Variants in ADAMTSL3 observed in about 807,000 individuals in gnomAD.
ADAMTSL3 encodes ADAMTS-like protein 3.
ADAMTSL3 carries 128 observed loss-of-function variants against 201.7 expected under a neutral mutation model. That is an observed-to-expected ratio of 0.63 (90% CI 0.55 to 0.73). The LOEUF is 0.73. Ranked by LOEUF, ADAMTSL3 falls within the 30% of genes least tolerant of loss-of-function variation. The probability of loss-of-function intolerance (pLI) is 0.00; values close to 1 mark genes in which losing one functional copy is unlikely to be tolerated. For missense variants in ADAMTSL3, 1,990 were observed against 2,119.6 expected (o/e 0.94, Z 1.20); for synonymous variants, 738 against 748.4 (o/e 0.99, Z 0.23).
chr15:83,666,752 A>G (rs1363944613), intron 2 of ADAMTSL3, among the ~76,000 whole-genome samples: 1 of 151,928 alleles, frequency 6.6e-6, no homozygotes, highest in East Asian at 1.9e-4. Flanking sequence ...CTGAAGCAAG[A>G]GGATCACTTG....
chr15:83,671,408 A>G (rs1190940244), intron 2 of ADAMTSL3, among the ~76,000 whole-genome samples: 1 of 152,198 alleles, frequency 6.6e-6, no homozygotes, highest in African/African-American at 2.4e-5. Flanking sequence ...ATACAAAAAG[A>G]TAATTTGTAT....
chr15:83,694,303 T>G (rs2061651207), intron 2 of ADAMTSL3: 1 of 152,250 alleles, frequency 6.6e-6, no homozygotes, highest in African/African-American at 2.4e-5. Context: ...GGTGCTTTGG[T>G]GGGAACGGAA....
chr15:83,841,948 CAG>C (rs550865153), intron 7 of ADAMTSL3, among the ~76,000 whole-genome samples: 148 of 151,854 alleles, frequency 9.7e-4, no homozygotes, highest in South Asian at 3.3e-3. Context: ...GACAGAGACT[CAG>C]GGGGAAATTT....
At chr15:83,755,611 T>C (rs1211232943) in intron 3 of ADAMTSL3, among the ~76,000 whole-genome samples, 1 of 152,264 alleles carries the variant, frequency 6.6e-6, no homozygotes, top group Non-Finnish European at 1.5e-5. Flanking sequence ...TTTCTGAAGC[T>C]AAATAATATT....
intron 19 of ADAMTSL3, chr15:83,961,785 A>G (rs971735427): frequency 5.3e-5 from 8 of 152,264 alleles, no homozygotes; most frequent in African/African-American, 7.2e-5. Context: ...AGGAATGCAT[A>G]GATCCTGGTA....
At position 83,982,587 on chromosome 15, in the gene ADAMTSL3, G is replaced by C. The variant is rs2067404307; in HGVS notation, c.2959G>C (p.Ala987Pro). Residue 987 changes from alanine (A) to proline (P), a missense_variant, in exon 21 of 30, where the codon GCA (alanine) becomes CCA (proline). Coordinates refer to ENST00000286744, the MANE Select transcript of ADAMTSL3 (RefSeq NM_207517.3). ...CGTGTACCGGTGCATTGCAGGCTCT[G>C]CACAGGAAACAGTTGTGCTCAAGCT... ...IGVYRCIAGS[A>P]QETVVLKLIG... 3.7e-6 allele frequency: 6 copies of C among 1,614,078 alleles called. No individual in the cohort carries two copies. Among genetic ancestry groups the C allele is most frequent in the Non-Finnish European group, 4.2e-6 (5 of 1,180,056 alleles).
At position 84,008,771 on chromosome 15, in the gene ADAMTSL3, T is replaced by C. The variant is rs148741373; in HGVS notation, c.3974-5771T>C. ...TCAGCATCTCTCCGTGGATATGTAA[T>C]AGTTATTTCAAACTTAACATGTCCA... On this transcript the variant is annotated intron_variant, in intron 23 of 29. Coordinates refer to ENST00000286744, the MANE Select transcript of ADAMTSL3 (RefSeq NM_207517.3). Among the ~76,000 whole-genome samples, 553 of 152,326 alleles carry C rather than the reference T, an allele frequency of 3.6e-3. 1 individual carries two copies. The highest frequency in any genetic ancestry group is 0.013 in the African/African-American group (534 of 41,566).
intron 12 of ADAMTSL3, among the ~76,000 whole-genome samples, chr15:83,892,305 G>T (rs2065518030): frequency 6.6e-6 from 1 of 152,060 alleles, no homozygotes; most frequent in African/African-American, 2.4e-5. Context: ...GCTGAGGCAG[G>T]CGGATCACGA....
At chr15:83,742,343 G>T (rs2062470146) in intron 3 of ADAMTSL3, among the ~76,000 whole-genome samples, 1 of 152,086 alleles carries the variant, frequency 6.6e-6, no homozygotes, top group South Asian at 2.1e-4. Flanking sequence ...TACAGCCTAA[G>T]CTTTAATTAG....
At chr15:83,949,548 A>G (rs184351293) in intron 19 of ADAMTSL3, among the ~76,000 whole-genome samples, 3 of 152,264 alleles carry the variant, frequency 2.0e-5, no homozygotes, top group East Asian at 1.9e-4. Flanking sequence ...TCTAGATCAT[A>G]TGGTAGCTCT....
At chr15:83,704,053 A>G (rs1317774638) in intron 2 of ADAMTSL3, among the ~76,000 whole-genome samples, 1 of 152,024 alleles carries the variant, frequency 6.6e-6, no homozygotes, top group Non-Finnish European at 1.5e-5. Flanking sequence ...TCCTAAAAAC[A>G]ATAGATTTGC....
chr15:83,872,153 T>G (rs2065092312), intron 9 of ADAMTSL3, among the ~76,000 whole-genome samples: 1 of 152,184 alleles, frequency 6.6e-6, no homozygotes, highest in South Asian at 2.1e-4. Flanking sequence ...ATCAAGAGAT[T>G]TTTACATCAA....
At chr15:83,829,484 G>A (rs2064104442) in intron 6 of ADAMTSL3, among the ~76,000 whole-genome samples, 2 of 152,034 alleles carry the variant, frequency 1.3e-5, no homozygotes, top group African/African-American at 2.4e-5. Context: ...CCAGCTCCTG[G>A]ATTCTTTGAT....
intron 21 of ADAMTSL3, among the ~76,000 whole-genome samples, chr15:83,986,365 T>C (rs2067475105): frequency 6.6e-6 from 1 of 152,156 alleles, no homozygotes; most frequent in African/African-American, 2.4e-5. Context: ...ATTGACTTGA[T>C]GGAATGGCGT....
At chr15:83,819,242 C>T (rs868553919) in intron 5 of ADAMTSL3, among the ~76,000 whole-genome samples, 49 of 138,616 alleles carry the variant, frequency 3.5e-4, no homozygotes, top group Middle Eastern at 4.2e-3. Context: ...TCCAGCCTGG[C>T]GACAGAGTGA....
chr15:83,879,886 G>A (rs2065239950), intron 9 of ADAMTSL3, among the ~76,000 whole-genome samples: 2 of 152,286 alleles, frequency 1.3e-5, no homozygotes, highest in South Asian at 2.1e-4. Flanking sequence ...TTCACATTTA[G>A]AATCATTGCA....
chr15:83,712,753 G>T (rs2061949923), intron 3 of ADAMTSL3, among the ~76,000 whole-genome samples: 2 of 152,180 alleles, frequency 1.3e-5, no homozygotes, highest in African/African-American at 4.8e-5. Context: ...AATTGCATTT[G>T]TCATTCTGCA....
intron 16 of ADAMTSL3, among the ~76,000 whole-genome samples, chr15:83,917,178 T>C (rs1177979490): frequency 6.6e-6 from 1 of 152,232 alleles, no homozygotes; most frequent in Admixed American, 6.5e-5. Flanking sequence ...AAAAGTAATA[T>C]ACAAATTACA....
At chr15:83,970,057 A>G (rs1041207030) in intron 19 of ADAMTSL3, among the ~76,000 whole-genome samples, 1 of 152,200 alleles carries the variant, frequency 6.6e-6, no homozygotes, top group African/African-American at 2.4e-5. Flanking sequence ...AGTTCTTTGT[A>G]TATCAATTAT....
Sources: allele counts gnomAD v4.1 joint callset (sites outside exome capture counted in the v4.1 genomes callset), GRCh38; gene constraint gnomAD v4.1.1; transcripts MANE v1.5; gene names NCBI Gene and HGNC (gene_info 2026-07-23, HGNC 2026-07-21).